DZIP1L: variants seen among roughly 807,000 people sequenced by gnomAD.
The protein encoded by DZIP1L is cilium assembly protein DZIP1L.
A neutral mutation model predicts 88.7 loss-of-function variants in DZIP1L; 90 were observed. The ratio of observed to expected loss-of-function variants is 1.02; its 90% CI spans 0.86 to 1.21. DZIP1L has a LOEUF of 1.21. DZIP1L is among the 50% of genes most tolerant of loss of function. DZIP1L has a pLI of 0.00. For missense variants in DZIP1L, 932 were observed against 955.8 expected (o/e 0.98, Z 0.33); for synonymous variants, 363 against 372.1 (o/e 0.98, Z 0.28).
intron 14 of DZIP1L, among the ~76,000 whole-genome samples, chr3:138,066,940 CT>C (rs1187944290): frequency 2.6e-5 from 4 of 152,168 alleles, no homozygotes; most frequent in African/African-American, 9.7e-5. Context: ...CTCCCCGCCC[CT>C]GTGGCTGGGG....
chr3:138,071,638 T>C lies in DZIP1L; in HGVS notation c.1615+5A>G, dbSNP rs771752719. ...AGCCCTGAGCAAGCCCTCTCCCCAGTGTACCTGAAGGCTGCCCGTCTGGCT... is the reference window on the plus strand; with the variant it reads ...AGCCCTGAGCAAGCCCTCTCCCCAGCGTACCTGAAGGCTGCCCGTCTGGCT... On this transcript the variant is annotated splice_donor_5th_base_variant and intron_variant, in intron 12 of 15. Coordinates refer to ENST00000327532, the MANE Select transcript of DZIP1L (RefSeq NM_173543.3). 5.6e-6 allele frequency: 9 copies of C among 1,610,626 alleles called. No individual in the cohort carries two copies. The South Asian group carries it at 8.8e-5, about 16-fold the overall frequency.
chr3:138,096,117 C>A (rs1576484614), intron 3 of DZIP1L, among the ~76,000 whole-genome samples: 1 of 151,920 alleles, frequency 6.6e-6, no homozygotes, highest in Non-Finnish European at 1.5e-5. Flanking sequence ...TTTTTAGTTG[C>A]AGTAGAAATT....
chr3:138,082,843 G>A (rs1036121986), intron 8 of DZIP1L, among the ~76,000 whole-genome samples: 1 of 152,178 alleles, frequency 6.6e-6, no homozygotes, highest in African/African-American at 2.4e-5. Context: ...ACAAGTCTTG[G>A]GAAGGGACCT....
chr3:138,103,355 G>A (rs945420402), intron 2 of DZIP1L, 116 bp downstream of exon 2: 6 of 1,214,506 alleles, frequency 4.9e-6, no homozygotes, highest in Non-Finnish European at 4.6e-6. Flanking sequence ...CCTAACCAGT[G>A]AGAACAGCCC....
chr3:138,071,812 C>A lies in DZIP1L; in HGVS notation c.1446G>T (p.Gln482His). 2 of 1,613,794 alleles carry A rather than the reference C, an allele frequency of 1.2e-6. No homozygotes were observed. Among genetic ancestry groups the A allele is most frequent in the African/African-American group, 2.7e-5 (2 of 75,066 alleles). Reference protein sequence around the residue: ...IRKDAKGISIQTLRHLESLLR... With the variant: ...IRKDAKGISIHTLRHLESLLR... Reference sequence around the variant, plus strand: ...GCAGGGATTCCAGGTGTCTGAGAGTCTGAATCGAGATTCCCTTTGCATCCT... The same window carrying A: ...GCAGGGATTCCAGGTGTCTGAGAGTATGAATCGAGATTCCCTTTGCATCCT... Residue 482 changes from glutamine to histidine, a missense_variant, in exon 12 of 16, where the codon CAG becomes CAT. By Grantham distance (24) the Gln-to-His change is conservative. Coordinates refer to ENST00000327532, the MANE Select transcript of DZIP1L (RefSeq NM_173543.3).
At chr3:138,112,718 G>A (rs1283844599) in intron 1 of DZIP1L, among the ~76,000 whole-genome samples, 1 of 152,198 alleles carries the variant, frequency 6.6e-6, no homozygotes, top group Non-Finnish European at 1.5e-5. Context: ...AGGCCAAGGA[G>A]GGCAGATCGC....
chr3:138,068,049 C>T, intron 13 of DZIP1L, 102 bp downstream of exon 13: 1 of 1,050,210 alleles, frequency 9.5e-7, no homozygotes, highest in Non-Finnish European at 1.3e-6. Context: ...TGTGTCTGCC[C>T]CCCTCCTATC....
intron 15 of DZIP1L, chr3:138,064,330 GC>G: frequency 8.1e-7 from 1 of 1,238,050 alleles, no homozygotes; most frequent in Non-Finnish European, 1.0e-6. Flanking sequence ...GCTGCAGGAT[GC>G]CAGACACAGA....
intron 1 of DZIP1L, among the ~76,000 whole-genome samples, chr3:138,114,891 A>G (rs767841129): frequency 3.3e-5 from 5 of 152,206 alleles, no homozygotes; most frequent in African/African-American, 4.8e-5. Context: ...AAAGATGCCA[A>G]TGCGATTGCT....
intron 4 of DZIP1L, among the ~76,000 whole-genome samples, chr3:138,093,876 T>C (rs1214990372): frequency 6.6e-6 from 1 of 152,240 alleles, no homozygotes; most frequent in Non-Finnish European, 1.5e-5. Context: ...TCCAGACCAC[T>C]AAAACTTTCT....
At chr3:138,100,344 C>T (rs1944676345) in intron 2 of DZIP1L, among the ~76,000 whole-genome samples, 2 of 152,214 alleles carry the variant, frequency 1.3e-5, no homozygotes, top group African/African-American at 4.8e-5. Flanking sequence ...AGTTCCGAGT[C>T]CCTTCTCCCA....
chr3:138,072,816 G>A (rs547392830), intron 11 of DZIP1L, among the ~76,000 whole-genome samples: 3 of 152,314 alleles, frequency 2.0e-5, no homozygotes, highest in African/African-American at 7.2e-5. Flanking sequence ...ACTTGCTCCT[G>A]TTGGTGGGGC....
intron 12 of DZIP1L, among the ~76,000 whole-genome samples, chr3:138,070,903 G>A (rs2724707): frequency 0.85 from 128,742 of 152,106 alleles, 54,805 homozygotes; most frequent in Middle Eastern, 0.9. Context: ...GGAACCCTCT[G>A]GAAACAGGGG....
At position 138,067,521 on chromosome 3, in the gene DZIP1L, G is replaced by A. The variant is rs779367001; in HGVS notation, c.2002+10C>T. On this transcript the variant is annotated intron_variant, in intron 14 of 15. Coordinates refer to ENST00000327532, the MANE Select transcript of DZIP1L (RefSeq NM_173543.3). ...GGTCCCAGCCCACTCACCCAAAGGTGCCAGCTCACCTGAGCCCTGGCCAGG... is the reference window on the plus strand; with the variant it reads ...GGTCCCAGCCCACTCACCCAAAGGTACCAGCTCACCTGAGCCCTGGCCAGG... 3 of 1,585,800 alleles carry A rather than the reference G, an allele frequency of 1.9e-6. No individual in the cohort carries two copies. The African/African-American group carries it at 4.1e-5, about 22-fold the overall frequency.
intron 8 of DZIP1L, 21 bp downstream of exon 8, chr3:138,084,092 T>C: frequency 1.2e-6 from 2 of 1,611,554 alleles, no homozygotes; most frequent in South Asian, 1.1e-5. Flanking sequence ...AAGGCCTGGC[T>C]GAAAGGAAGG....
Position 138,110,702 on chromosome 3 carries a change from T to A in DZIP1L, c.-82+4626A>T, listed in dbSNP as rs112344966. On this transcript the variant is annotated intron_variant, in intron 1 of 15. Coordinates refer to ENST00000327532, the MANE Select transcript of DZIP1L (RefSeq NM_173543.3). ...GGATCAATGTTGACCTGGGCAACTA[T>A]CCCTGCCGTTGTTAATAAAAATAGT... Among the ~76,000 whole-genome samples, 321 of 152,316 alleles carry A rather than the reference T, an allele frequency of 2.1e-3. 1 individual carries two copies. Among genetic ancestry groups the A allele is most frequent in the African/African-American group, 7.4e-3 (309 of 41,566 alleles).
chr3:138,069,018 C>G, intron 12 of DZIP1L: 2 of 1,269,426 alleles, frequency 1.6e-6, no homozygotes, highest in Non-Finnish European at 2.0e-6. Context: ...TACAGTAATT[C>G]AAGATCAGAA....
At chr3:138,064,347 C>A (rs1479045695) in intron 15 of DZIP1L, 1 of 1,261,862 alleles carries the variant, frequency 7.9e-7, no homozygotes, top group East Asian at 4.4e-5. Context: ...ACAGAGTCAG[C>A]TCCGAAGCTC....
At chr3:138,088,618 C>G in intron 5 of DZIP1L, 111 bp from the exon 6 acceptor site, 1 of 1,421,866 alleles carries the variant, frequency 7.0e-7, no homozygotes. Flanking sequence ...ATCCTCCCAA[C>G]TCATCCTCAC....
Sources: gnomAD v4.1 joint callset for allele counts (sites outside exome capture counted in the v4.1 genomes callset) on GRCh38, gnomAD v4.1.1 for gene constraint, MANE v1.5 for transcripts, NCBI Gene and HGNC (gene_info 2026-07-23, HGNC 2026-07-21) for gene names.